GRIK4: variants seen among roughly 807,000 people sequenced by gnomAD.
GRIK4 encodes glutamate receptor ionotropic, kainate 4.
Under a neutral mutation model 104.9 loss-of-function variants are expected in GRIK4, and 40 were observed. The ratio of observed to expected loss-of-function variants is 0.38; its 90% CI spans 0.30 to 0.50. GRIK4 has a LOEUF of 0.50. GRIK4 is among the 20% of genes least tolerant of loss of function. GRIK4 has a pLI of 0.93. For missense variants in GRIK4, 1,047 were observed against 1,308.1 expected, an observed-to-expected ratio of 0.80 and a Z score of 3.08; for synonymous variants, 485 against 524.9, an observed-to-expected ratio of 0.92 and a Z score of 1.04.
chr11:120,704,021 C>G (rs1234567182), intron 3 of GRIK4, among the ~76,000 whole-genome samples: 1 of 152,196 alleles, frequency 6.6e-6, no homozygotes, highest in Non-Finnish European at 1.5e-5. Context: ...TTTCCGTTCA[C>G]TAGCTTTGTT....
In GRIK4 at chr11:120,988,637, C is replaced by A. The variant is rs1249752046; in HGVS notation, c.*2377C>A. 1 of 152,212 alleles carries A rather than the reference C, an allele frequency of 6.6e-6. No individual in the cohort carries two copies. The highest frequency in any genetic ancestry group is 1.5e-5 in the Non-Finnish European group (1 of 68,080). 9.4% of individuals were successfully genotyped at this position (152,212 alleles called of 1,614,324 possible). A position where few individuals can be genotyped will look rare whatever the true frequency, so the allele number is the denominator to read the frequency against. ...AGCTAGTGGGTGAATTTGCAACCAG[C>A]TAATACTCTTCCTTGGTTTGTTTCC... is the stretch of plus-strand genomic sequence containing the variant. On this transcript the variant is annotated 3_prime_UTR_variant, in exon 21 of 21. Transcript: ENST00000527524.
intron 19 of GRIK4, among the ~76,000 whole-genome samples, chr11:120,971,019 C>G (rs1009128505): frequency 6.6e-6 from 1 of 152,072 alleles, no homozygotes. Flanking sequence ...AGGGCTGTTG[C>G]GAAGGTTGAG....
At chr11:120,621,083 C>T (rs569937088) in intron 1 of GRIK4, among the ~76,000 whole-genome samples, 7 of 152,308 alleles carry the variant, frequency 4.6e-5, no homozygotes, top group African/African-American at 9.6e-5. Context: ...AACAAAGACT[C>T]GTGTACCCTG....
rs1949748694 is a variant in GRIK4 at position 120,658,456 on chromosome 11, T to G, written c.-50-1813T>G. 3.9e-5 allele frequency among the ~76,000 whole-genome samples: 6 copies of G among 152,160 alleles called. No individual in the cohort carries two copies. In the South Asian group the frequency reaches 1.2e-3, roughly 31 times the overall value. On this transcript the variant is annotated intron_variant, in intron 2 of 20. Coordinates refer to ENST00000527524, the MANE Select transcript of GRIK4 (RefSeq NM_014619.5). ...ATGTAAAGCTCTAGTATACCAGTTT[T>G]CCAAAGTACTTATTTCAGTTTACAC...
At chr11:120,965,645 A>C (rs907450625) in intron 18 of GRIK4, among the ~76,000 whole-genome samples, 2 of 152,210 alleles carry the variant, frequency 1.3e-5, no homozygotes, top group Non-Finnish European at 2.9e-5. Context: ...GGAAGGTTCT[A>C]CTGTGGAGCT....
At chr11:120,881,864 T>C (rs1178218754) in intron 11 of GRIK4, among the ~76,000 whole-genome samples, 1 of 152,192 alleles carries the variant, frequency 6.6e-6, no homozygotes, top group African/African-American at 2.4e-5. Flanking sequence ...GCTGCATTTC[T>C]TATCGTGGCC....
chr11:120,935,862 ACATT>A (rs1171260728), intron 13 of GRIK4, among the ~76,000 whole-genome samples: 6 of 152,218 alleles, frequency 3.9e-5, no homozygotes, highest in Admixed American at 3.9e-4. Context: ...ATCTAAAGAC[ACATT>A]CAGTAGTGTG....
intron 3 of GRIK4, among the ~76,000 whole-genome samples, chr11:120,664,295 G>C (rs975892958): frequency 1.3e-5 from 2 of 152,232 alleles, no homozygotes; most frequent in African/African-American, 4.8e-5. Context: ...GAAGATCCTG[G>C]TTGGGTTCTA....
intron 3 of GRIK4, among the ~76,000 whole-genome samples, chr11:120,800,524 G>A (rs1952602576): frequency 6.6e-6 from 1 of 152,150 alleles, no homozygotes. Context: ...TGGTGCTCTG[G>A]TCACTTCTGC....
At chr11:120,540,471 G>A (rs140253067) in intron 1 of GRIK4, among the ~76,000 whole-genome samples, 1 of 151,960 alleles carries the variant, frequency 6.6e-6, no homozygotes, top group Non-Finnish European at 1.5e-5. Flanking sequence ...AAAATTAGCC[G>A]GGCATGGTGG....
At chr11:120,648,304 G>A (rs1319490580) in intron 1 of GRIK4, among the ~76,000 whole-genome samples, 1 of 152,226 alleles carries the variant, frequency 6.6e-6, no homozygotes, top group African/African-American at 2.4e-5. Flanking sequence ...TCTGTAAACT[G>A]TGTCAAATGC....
rs996849380 is a variant in GRIK4, at chr11:120,967,816, C to G, written c.2395+493C>G. On this transcript the variant is annotated intron_variant, in intron 19 of 20. Transcript: ENST00000527524. The surrounding 1 kb of genome is among the most constrained non-coding windows in gnomAD (Gnocchi z 4.2). ...CCCTGTGTGATCTGTTCCCCCTCAG[C>G]CTTCCTCTCTTCTCTGTGGTCCCCA... Among the ~76,000 whole-genome samples the G allele has an allele frequency of 6.6e-6, 1 of 152,092 alleles. No homozygotes were observed. Among genetic ancestry groups the G allele is most frequent in the African/African-American group, 2.4e-5 (1 of 41,412 alleles).
rs768203415 is a variant in GRIK4 at position 120,524,589 on chromosome 11, A to G, written c.-159+12702A>G. ...TCGAACCCAGATGAGCCTGGCATCA[A>G]TGGGTCAAGGGGGACTGTACTGGGG... On this transcript the variant is annotated intron_variant, in intron 1 of 20. Transcript: ENST00000527524. This position sits in a 1 kb window ranked among gnomAD's most constrained non-coding sequence, Gnocchi z 4.5. 1.2e-4 allele frequency among the ~76,000 whole-genome samples: 19 copies of G among 152,092 alleles called. No homozygotes were observed. Among genetic ancestry groups the G allele is most frequent in the Non-Finnish European group, 2.1e-4 (14 of 68,010 alleles).
Position 120,524,897 on chromosome 11 carries a change from G to A in GRIK4, c.-159+13010G>A, listed in dbSNP as rs1017656047. Among the ~76,000 whole-genome samples, 1 of 152,228 alleles carries A rather than the reference G, an allele frequency of 6.6e-6. No individual in the cohort carries two copies. The highest frequency in any genetic ancestry group is 2.4e-5 in the African/African-American group (1 of 41,462). ...AGGTCGCCTTTGTGTGGGGATGACA[G>A]AGGTCCCTGCGGTCTGCAGGGTGAG... is the stretch of plus-strand genomic sequence containing the variant. On this transcript the variant is annotated intron_variant, in intron 1 of 20. Transcript: ENST00000527524. The surrounding 1 kb of genome is among the most constrained non-coding windows in gnomAD (Gnocchi z 4.5).
intron 3 of GRIK4, among the ~76,000 whole-genome samples, chr11:120,785,329 A>G (rs767568540): frequency 6.6e-6 from 1 of 152,194 alleles, no homozygotes; most frequent in African/African-American, 2.4e-5. Context: ...AAGAGAACAC[A>G]TGGGGACTAT....
At chr11:120,682,273 TG>T (rs1166216405) in intron 3 of GRIK4, among the ~76,000 whole-genome samples, 1 of 152,074 alleles carries the variant, frequency 6.6e-6, no homozygotes, top group Non-Finnish European at 1.5e-5. Flanking sequence ...GGCAGACGGG[TG>T]GCGGGAGGGC....
At chr11:120,652,574 G>C (rs1949634708) in intron 1 of GRIK4, among the ~76,000 whole-genome samples, 1 of 151,564 alleles carries the variant, frequency 6.6e-6, no homozygotes, top group Non-Finnish European at 1.5e-5. Context: ...CAGCCAGTGG[G>C]GGAGTCAGGA....
chr11:120,934,628 C>T (rs924903891), intron 13 of GRIK4, among the ~76,000 whole-genome samples: 1 of 152,168 alleles, frequency 6.6e-6, no homozygotes, highest in African/African-American at 2.4e-5. Flanking sequence ...GCCTGCCCTC[C>T]CCTTGTAAAC....
chr11:120,601,815 C>CT (rs1223247014), intron 1 of GRIK4, among the ~76,000 whole-genome samples: 6 of 152,022 alleles, frequency 3.9e-5, no homozygotes, highest in African/African-American at 1.5e-4. Flanking sequence ...CAGAAGTGAG[C>CT]TGTGCCCTCT....
Sources: allele counts gnomAD v4.1 joint callset (sites outside exome capture counted in the v4.1 genomes callset), GRCh38; gene constraint gnomAD v4.1.1; non-coding constraint Gnocchi (gnomAD v3.1); transcripts MANE v1.5; gene names NCBI Gene and HGNC (gene_info 2026-07-23, HGNC 2026-07-21).